CMKLR1: variants seen among roughly 807,000 people sequenced by gnomAD.
CMKLR1 encodes the protein chemerin-like receptor 1.
Under a neutral mutation model 8.2 loss-of-function variants are expected in CMKLR1, and 6 were observed. That is an observed-to-expected ratio of 0.73 (90% CI 0.40 to 1.44). The LOEUF (loss-of-function observed/expected upper bound fraction) is 1.44, where lower values mean the gene tolerates loss of function less well. CMKLR1 is among the 40% of genes most tolerant of loss of function. The pLI, the probability that CMKLR1 is intolerant of heterozygous loss-of-function variation, is 0.02. For synonymous variants in CMKLR1, 178 were observed against 181.2 expected (o/e 0.98, Z 0.14); for missense variants, 429 against 478.0 (o/e 0.90, Z 0.96).
chr12:108,294,540 TCA>T (rs1205559518), intron 2 of CMKLR1, among the ~76,000 whole-genome samples: 1 of 152,224 alleles, frequency 6.6e-6, no homozygotes, highest in African/African-American at 2.4e-5. Flanking sequence ...TCCCTGAATC[TCA>T]GTTTTCTTAC....
chr12:108,302,472 A>G (rs1374041327), intron 2 of CMKLR1, among the ~76,000 whole-genome samples: 2 of 152,240 alleles, frequency 1.3e-5, no homozygotes, highest in Non-Finnish European at 2.9e-5. Context: ...CATTTCAGGA[A>G]AAACTGGTGA....
intron 2 of CMKLR1, among the ~76,000 whole-genome samples, chr12:108,321,869 A>G (rs977556836): frequency 2.6e-5 from 4 of 151,994 alleles, no homozygotes; most frequent in African/African-American, 9.7e-5. Flanking sequence ...TCCAAATCTC[A>G]TGTTGAAATC....
At chr12:108,326,084 G>A (rs547607706) in intron 2 of CMKLR1, among the ~76,000 whole-genome samples, 4 of 152,298 alleles carry the variant, frequency 2.6e-5, no homozygotes, top group African/African-American at 9.6e-5. Flanking sequence ...CTAACATGCA[G>A]CTTTGTCATT....
intron 2 of CMKLR1, among the ~76,000 whole-genome samples, chr12:108,304,914 C>T (rs967805317): frequency 7.9e-5 from 12 of 152,222 alleles, no homozygotes; most frequent in African/African-American, 2.4e-4. Context: ...GGCCTGTGGG[C>T]GTAAGAGCCC....
chr12:108,306,121 CAA>C (rs1891400151), intron 2 of CMKLR1, among the ~76,000 whole-genome samples: 1 of 152,220 alleles, frequency 6.6e-6, no homozygotes, highest in Admixed American at 6.5e-5. Context: ...TTGAAAATCT[CAA>C]TAGGCTGTTT....
At chr12:108,333,524 T>C (rs778756972) in intron 1 of CMKLR1, among the ~76,000 whole-genome samples, 6 of 152,156 alleles carry the variant, frequency 3.9e-5, no homozygotes, top group Admixed American at 6.5e-5. Flanking sequence ...AAAATAAAAA[T>C]AGAAATGCCT....
At chr12:108,305,264 G>T (rs1355839479) in intron 2 of CMKLR1, among the ~76,000 whole-genome samples, 1 of 152,162 alleles carries the variant, frequency 6.6e-6, no homozygotes, top group Non-Finnish European at 1.5e-5. Context: ...CCGTTCCATA[G>T]ATTTGCAAAT....
intron 2 of CMKLR1, among the ~76,000 whole-genome samples, chr12:108,303,078 C>G (rs1375333166): frequency 1.3e-5 from 2 of 152,054 alleles, no homozygotes; most frequent in Non-Finnish European, 2.9e-5. Flanking sequence ...GAATCCCTGA[C>G]CGAGCCACAG....
At chr12:108,293,790 A>C in intron 2 of CMKLR1, 126 bp from the exon 3 acceptor site, 1 of 631,768 alleles carries the variant, frequency 1.6e-6, no homozygotes, top group Non-Finnish European at 2.7e-6. Flanking sequence ...AAGGAAGCAG[A>C]AGTTCAGAAA....
In CMKLR1 at chr12:108,319,106, C is replaced by T. The variant is rs536536433; in HGVS notation, c.-74+10889G>A. Among the ~76,000 whole-genome samples the T allele has an allele frequency of 2.0e-5, 3 of 152,338 alleles. No individual in the cohort carries two copies. The South Asian group carries it at 6.2e-4, about 32-fold the overall frequency. On this transcript the variant is annotated intron_variant, in intron 2 of 3. Transcript: ENST00000550402. ...GTGCTGACAAGGAGCCTTTGTCTCC[C>T]TCTTCCTGGCCTCCATGCCCTTTGC...
At chr12:108,297,452 T>C (rs777097549) in intron 2 of CMKLR1, among the ~76,000 whole-genome samples, 1 of 152,226 alleles carries the variant, frequency 6.6e-6, no homozygotes, top group Non-Finnish European at 1.5e-5. Context: ...GATTTTTGAC[T>C]GTACAGTGAG....
chr12:108,294,694 G>C (rs1339323640), intron 2 of CMKLR1, among the ~76,000 whole-genome samples: 1 of 152,134 alleles, frequency 6.6e-6, no homozygotes, highest in Non-Finnish European at 1.5e-5. Flanking sequence ...GTGCACAGCT[G>C]ATAAGCAGGA....
intron 2 of CMKLR1, among the ~76,000 whole-genome samples, chr12:108,310,957 AC>A (rs113354836): frequency 5.3e-5 from 6 of 112,776 alleles, no homozygotes; most frequent in African/African-American, 1.6e-4. Context: ...CCGCCCCCCC[AC>A]CCCCCGCCCA....
chr12:108,333,747 T>G (rs957834104), intron 1 of CMKLR1, among the ~76,000 whole-genome samples: 1 of 152,230 alleles, frequency 6.6e-6, no homozygotes, highest in Non-Finnish European at 1.5e-5. Context: ...CCAGCCAACG[T>G]CACCCAGACG....
chr12:108,315,155 T>C (rs1381498304), intron 2 of CMKLR1, among the ~76,000 whole-genome samples: 7 of 151,980 alleles, frequency 4.6e-5, no homozygotes, highest in Non-Finnish European at 1.0e-4. Flanking sequence ...CAGGCTGGTC[T>C]CAGGTGATCC....
intron 2 of CMKLR1, among the ~76,000 whole-genome samples, chr12:108,315,035 T>C (rs144288202): frequency 1.9e-3 from 281 of 150,970 alleles, no homozygotes; most frequent in African/African-American, 6.8e-3. Flanking sequence ...CCTCCCAGGT[T>C]CAATCGATTC....
Position 108,328,590 on chromosome 12 carries a change from T to A in CMKLR1, c.-74+1405A>T, listed in dbSNP as rs139854369. Reference sequence around the variant, plus strand: ...GCTGCCTCTATCCACCCGGTGGCCATCCCTTCTGACTCAAGGGAAGCCCTT... The same window carrying A: ...GCTGCCTCTATCCACCCGGTGGCCAACCCTTCTGACTCAAGGGAAGCCCTT... On this transcript the variant is annotated intron_variant, in intron 2 of 3. Coordinates refer to ENST00000550402, the MANE Select transcript of CMKLR1 (RefSeq NM_001142343.2). Among the ~76,000 whole-genome samples, 19 of 152,264 alleles carry A rather than the reference T, an allele frequency of 1.2e-4. No individual in the cohort carries two copies. The East Asian group carries it at 3.7e-3, about 29-fold the overall frequency.
intron 2 of CMKLR1, among the ~76,000 whole-genome samples, chr12:108,320,316 G>A (rs979168488): frequency 1.3e-5 from 2 of 152,082 alleles, no homozygotes; most frequent in Admixed American, 1.3e-4. Context: ...ATCCCAAAGG[G>A]GTGGCATGAC....
At chr12:108,318,866 C>T (rs901076605) in intron 2 of CMKLR1, among the ~76,000 whole-genome samples, 1 of 152,206 alleles carries the variant, frequency 6.6e-6, no homozygotes, top group Non-Finnish European at 1.5e-5. Flanking sequence ...ATAGTGATCA[C>T]ATTCCCAAGG....
Sources: gnomAD v4.1 joint callset for allele counts (sites outside exome capture counted in the v4.1 genomes callset) on GRCh38, gnomAD v4.1.1 for gene constraint, MANE v1.5 for transcripts, NCBI Gene and HGNC (gene_info 2026-07-23, HGNC 2026-07-21) for gene names.